YES1: variants seen among roughly 807,000 people sequenced by gnomAD.
YES1 encodes tyrosine-protein kinase Yes.
YES1 carries 39 observed loss-of-function variants against 70.4 expected under a neutral mutation model. That is an observed-to-expected ratio of 0.55 (90% CI 0.43 to 0.72). The LOEUF is 0.72. Ranked by LOEUF, YES1 falls within the 30% of genes least tolerant of loss-of-function variation. YES1 has a pLI of 0.00. For synonymous variants in YES1, 198 were observed against 218.6 expected (o/e 0.91, Z 0.83); for missense variants, 495 against 644.8 (o/e 0.77, Z 2.52).
chr18:747,177 G>GT (rs1447412055), intron 4 of YES1, among the ~76,000 whole-genome samples: 3 of 152,138 alleles, frequency 2.0e-5, no homozygotes, highest in African/African-American at 7.2e-5. Flanking sequence ...CTTAAAGAAT[G>GT]TAAGTCTTTG....
intron 1 of YES1, among the ~76,000 whole-genome samples, chr18:766,277 C>T (rs1413193137): frequency 6.6e-6 from 1 of 152,106 alleles, no homozygotes; most frequent in Non-Finnish European, 1.5e-5. Flanking sequence ...AAGTTTTCCC[C>T]ACTTGTAAAG....
intron 1 of YES1, among the ~76,000 whole-genome samples, chr18:761,017 T>C (rs555303282): frequency 1.3e-4 from 20 of 152,236 alleles, no homozygotes; most frequent in African/African-American, 4.6e-4. Flanking sequence ...CCAATTAACA[T>C]ATGAAAATGC....
intron 3 of YES1, among the ~76,000 whole-genome samples, chr18:748,304 G>A (rs573719231): frequency 8.6e-5 from 13 of 150,784 alleles, no homozygotes; most frequent in African/African-American, 2.7e-4. Flanking sequence ...TAAGACAGAC[G>A]ATAGTGAATA....
chr18:787,080 C>CTTTTTTTTTTTTTTTTTTTTTTTTT (rs71174290), intron 1 of YES1, among the ~76,000 whole-genome samples: 1 of 34,736 alleles, frequency 2.9e-5, no homozygotes, highest in Non-Finnish European at 5.0e-5. Flanking sequence ...TACATACTGT[C>CTTTTTTTTTTTTTTTTTTTTTTTTT]TTTTTTTTTT....
At chr18:760,518 G>A (rs1318610260) in intron 1 of YES1, among the ~76,000 whole-genome samples, 4 of 151,940 alleles carry the variant, frequency 2.6e-5, no homozygotes, top group Non-Finnish European at 5.9e-5. Flanking sequence ...CCAAAAAACC[G>A]CATATGGGGG....
chr18:770,285 T>A (rs1364865349), intron 1 of YES1, among the ~76,000 whole-genome samples: 3 of 134,722 alleles, frequency 2.2e-5, no homozygotes, highest in Non-Finnish European at 4.7e-5. Context: ...TTTTTTTTTT[T>A]AAGAGTTTTT....
intron 1 of YES1, among the ~76,000 whole-genome samples, chr18:765,160 C>T (rs1315058659): frequency 2.0e-5 from 3 of 148,974 alleles, no homozygotes; most frequent in Admixed American, 1.4e-4. Flanking sequence ...AATTAGGAAG[C>T]AACCATTAGA....
chr18:760,892 C>A (rs530790969), intron 1 of YES1, among the ~76,000 whole-genome samples: 5 of 152,076 alleles, frequency 3.3e-5, no homozygotes, highest in African/African-American at 7.2e-5. Context: ...AATAAATGTA[C>A]ACATGTGGAA....
At chr18:741,521 G>A (rs2080216829) in intron 8 of YES1, among the ~76,000 whole-genome samples, 1 of 152,116 alleles carries the variant, frequency 6.6e-6, no homozygotes, top group South Asian at 2.1e-4. Flanking sequence ...GGGCATATTT[G>A]GGCTGGGTGT....
At chr18:756,290 G>A (rs1189790628) in intron 2 of YES1, among the ~76,000 whole-genome samples, 1 of 149,338 alleles carries the variant, frequency 6.7e-6, no homozygotes. Context: ...AGTGGGGGGG[G>A]GCTCAATAAC....
In YES1 at chr18:795,789, G is replaced by A. The variant is rs900121317; in HGVS notation, c.-9+16325C>T. On this transcript the variant is annotated intron_variant, in intron 1 of 11. Coordinates refer to ENST00000314574, the MANE Select transcript of YES1 (RefSeq NM_005433.4). Reference sequence around the variant, plus strand: ...GGGAAGGGGAGGGAGAGCATTAGGAGAAATACCTAATGCATGCGGGGCTTA... The same window carrying A: ...GGGAAGGGGAGGGAGAGCATTAGGAAAAATACCTAATGCATGCGGGGCTTA... Among the ~76,000 whole-genome samples the A allele has an allele frequency of 7.2e-5, 11 of 151,900 alleles. No individual in the cohort carries two copies. In the South Asian group the frequency reaches 2.3e-3, roughly 32 times the overall value.
rs1169162812 is a variant in YES1 at position 743,405 on chromosome 18, A to G, written c.735T>C (p.Asp245=). 6.2e-7 allele frequency: 1 copy of G among 1,612,414 alleles called. No individual in the cohort carries two copies. The highest frequency in any genetic ancestry group is 1.1e-5 in the South Asian group (1 of 90,992). ...CAGTTGTCAACTTGTGGCATAAACC[A>G]TCAGCATGTTCTAGATAAATGAATA... The part of the protein sequence containing the change: ...KLVKHYTEHA[D]GLCHKLTTVC... The change falls in exon 7 of 12, where the codon GAT becomes GAC. Residue 245 remains aspartate (D), a synonymous_variant. Transcript: ENST00000314574.
At chr18:790,150 C>T (rs1346781401) in intron 1 of YES1, among the ~76,000 whole-genome samples, 4 of 152,098 alleles carry the variant, frequency 2.6e-5, no homozygotes, top group Admixed American at 6.6e-5. Flanking sequence ...CCAAGGTGGG[C>T]GGATCACCTG....
chr18:772,903 C>T (rs191150279), intron 1 of YES1, among the ~76,000 whole-genome samples: 1 of 152,318 alleles, frequency 6.6e-6, no homozygotes, highest in African/African-American at 2.4e-5. Context: ...TCTGAGTTTG[C>T]ATTTGCATGG....
At chr18:750,816 A>G (rs1427567333) in intron 3 of YES1, among the ~76,000 whole-genome samples, 3 of 152,164 alleles carry the variant, frequency 2.0e-5, no homozygotes, top group Non-Finnish European at 2.9e-5. Flanking sequence ...AAATAAAGGA[A>G]AGAAATGGAA....
At chr18:743,976 G>C (rs919086942) in intron 6 of YES1, among the ~76,000 whole-genome samples, 2 of 147,924 alleles carry the variant, frequency 1.4e-5, no homozygotes, top group African/African-American at 5.0e-5. Flanking sequence ...CTAATATATA[G>C]TAAATATATT....
chr18:808,002 G>A (rs971539514), intron 1 of YES1, among the ~76,000 whole-genome samples: 2 of 152,206 alleles, frequency 1.3e-5, no homozygotes, highest in Non-Finnish European at 2.9e-5. Flanking sequence ...TAGATTTGGG[G>A]GGGAAAAGGA....
At chr18:742,853 G>T in intron 8 of YES1, 65 bp downstream of exon 8, 1 of 1,311,148 alleles carries the variant, frequency 7.6e-7, no homozygotes, top group Non-Finnish European at 1.0e-6. Context: ...AAGTCTATAT[G>T]CATACAAATC....
chr18:786,785 A>T (rs1432368653), intron 1 of YES1, among the ~76,000 whole-genome samples: 1 of 152,150 alleles, frequency 6.6e-6, no homozygotes, highest in Non-Finnish European at 1.5e-5. Context: ...TCTCTACCAT[A>T]AAGTCAAATA....
Sources: allele counts gnomAD v4.1 joint callset (sites outside exome capture counted in the v4.1 genomes callset), GRCh38; gene constraint gnomAD v4.1.1; transcripts MANE v1.5; gene names NCBI Gene and HGNC (gene_info 2026-07-23, HGNC 2026-07-21).